CDH23: variants seen among roughly 807,000 people sequenced by gnomAD.
CDH23 encodes cadherin related 23.
A neutral mutation model predicts 317.1 loss-of-function variants in CDH23; 189 were observed. The observed-to-expected ratio is 0.60, with a 90% CI of 0.53 to 0.67. The LOEUF is 0.67. Ranked by LOEUF, CDH23 falls within the 30% of genes least tolerant of loss-of-function variation. The pLI is 0.00. For missense variants in CDH23, 4,401 were observed against 4,592.4 expected (o/e 0.96, Z 1.20); for synonymous variants, 1,839 against 1,876.8 (o/e 0.98, Z 0.52).
chr10:71,485,998 A>G (rs1004855784), intron 3 of CDH23, among the ~76,000 whole-genome samples: 5 of 69,660 alleles, frequency 7.2e-5, no homozygotes, highest in Non-Finnish European at 1.2e-4. Context: ...GCATCAATAT[A>G]TTTGGAGTAG....
intron 53 of CDH23, 58 bp downstream of exon 53, chr10:71,800,813 G>A: frequency 6.3e-7 from 1 of 1,592,682 alleles, no homozygotes; most frequent in South Asian, 1.1e-5. Context: ...GAGGCAACAA[G>A]CAAAGCCTCT....
intron 3 of CDH23, among the ~76,000 whole-genome samples, chr10:71,473,878 G>A (rs376143579): frequency 1.3e-5 from 2 of 152,168 alleles, no homozygotes; most frequent in Admixed American, 1.3e-4. Flanking sequence ...CCACTCCCAG[G>A]CCCCCTGGCT....
At chr10:71,746,795 G>A (rs1178502573) in intron 38 of CDH23, among the ~76,000 whole-genome samples, 8 of 152,170 alleles carry the variant, frequency 5.3e-5, no homozygotes, top group Non-Finnish European at 1.2e-4. Context: ...TCTCAGGCTG[G>A]TGAGGACCTG....
chr10:71,575,829 G>A (rs1858151714), intron 8 of CDH23, among the ~76,000 whole-genome samples: 1 of 152,252 alleles, frequency 6.6e-6, no homozygotes. Context: ...GCTCCCAGGA[G>A]CCCCCATTCC....
chr10:71,776,841 G>T (rs1468905864), intron 38 of CDH23, among the ~76,000 whole-genome samples: 1 of 152,248 alleles, frequency 6.6e-6, no homozygotes, highest in Non-Finnish European at 1.5e-5. Flanking sequence ...CCTCCCATTG[G>T]CCACACCCAG....
Position 71,646,015 on chromosome 10 carries a change from TG to T in CDH23, c.1290+41del, listed in dbSNP as rs775050967. ...CACTCACTGGCATTTTGGAGTGGGGTGGGGGGTGGATTTCAGGGGAGGCGAG... is the reference window on the plus strand; with the variant it reads ...CACTCACTGGCATTTTGGAGTGGGGTGGGGGTGGATTTCAGGGGAGGCGAG... On this transcript the variant is annotated intron_variant, in intron 13 of 69. Coordinates refer to ENST00000224721, the MANE Select transcript of CDH23 (RefSeq NM_022124.6). 8.8e-6 allele frequency: 14 copies of T among 1,595,876 alleles called. No homozygotes were observed. The African/African-American group carries it at 9.5e-5, about 11-fold the overall frequency.
chr10:71,416,545 C>G (rs1848540776), intron 1 of CDH23, among the ~76,000 whole-genome samples: 1 of 152,194 alleles, frequency 6.6e-6, no homozygotes, highest in Non-Finnish European at 1.5e-5. Context: ...CTTTATTCTT[C>G]ATTGTATTTT....
intron 45 of CDH23, among the ~76,000 whole-genome samples, chr10:71,789,534 C>T (rs888578796): frequency 6.6e-6 from 1 of 152,154 alleles, no homozygotes; most frequent in Non-Finnish European, 1.5e-5. Flanking sequence ...ACAGAATCTC[C>T]TCTGTGATGT....
At chr10:71,480,505 G>A (rs1004871699) in intron 3 of CDH23, among the ~76,000 whole-genome samples, 2 of 152,242 alleles carry the variant, frequency 1.3e-5, no homozygotes, top group African/African-American at 4.8e-5. Flanking sequence ...TGTTGGAGAG[G>A]CATTGAGGTG....
At chr10:71,743,904 A>G (rs1256031823) in intron 38 of CDH23, among the ~76,000 whole-genome samples, 1 of 152,224 alleles carries the variant, frequency 6.6e-6, no homozygotes, top group Non-Finnish European at 1.5e-5. Flanking sequence ...TCATGGTGGC[A>G]AGATAGCTAC....
rs750128139 is a variant in CDH23 at position 71,811,697 on chromosome 10, C to T, written c.9279-16C>T. 25 of 1,610,496 alleles carry T rather than the reference C, an allele frequency of 1.6e-5. No homozygotes were observed. The East Asian group carries it at 4.7e-4, about 30-fold the overall frequency. Reference sequence around the variant, plus strand: ...AGCTTGGCCCCCCTCACCAGCCCCTCTCTGCTTCTCTCCAGACACAAGAGG... The same window carrying T: ...AGCTTGGCCCCCCTCACCAGCCCCTTTCTGCTTCTCTCCAGACACAAGAGG... On this transcript the variant is annotated splice_polypyrimidine_tract_variant and intron_variant, in intron 64 of 69. Transcript: ENST00000224721.
chr10:71,439,937 C>T (rs1849797603), intron 2 of CDH23, 39 bp downstream of exon 2: 2 of 1,511,000 alleles, frequency 1.3e-6, no homozygotes, highest in South Asian at 2.4e-5. Context: ...CATGGGCAGC[C>T]TCTGCACGGG....
At chr10:71,679,925 G>A (rs2132675224) in intron 17 of CDH23, among the ~76,000 whole-genome samples, 1 of 152,282 alleles carries the variant, frequency 6.6e-6, no homozygotes, top group Admixed American at 6.5e-5. Flanking sequence ...TAGAGCCCTG[G>A]TAGGAAATAG....
Position 71,599,775 on chromosome 10 carries a change from G to A in CDH23, c.833-15729G>A, listed in dbSNP as rs1860097216. Among the ~76,000 whole-genome samples the A allele has an allele frequency of 3.3e-5, 5 of 152,292 alleles. No homozygotes were observed. The South Asian group carries it at 1.0e-3, about 32-fold the overall frequency. ...CTTCTGGTCCACCCATCTGGTGCCA[G>A]TTCTGCTTCTAACGTGCTGTGTGTT... On this transcript the variant is annotated intron_variant, in intron 9 of 69. Coordinates refer to ENST00000224721, the MANE Select transcript of CDH23 (RefSeq NM_022124.6).
chr10:71,561,166 C>T lies in CDH23; in HGVS notation c.430-5576C>T, dbSNP rs143978181. Among the ~76,000 whole-genome samples, 63 of 152,148 alleles carry T rather than the reference C, an allele frequency of 4.1e-4. 1 individual carries two copies. Among genetic ancestry groups the T allele is most frequent in the African/African-American group, 1.5e-3 (61 of 41,516 alleles). ...CCTGTTTCAGTTAGTTCCTTTCTCC[C>T]CAAGTTTCCTTTCCTCCCTTTTCTC... is the stretch of plus-strand genomic sequence containing the variant. On this transcript the variant is annotated intron_variant, in intron 6 of 69. Transcript: ENST00000224721.
At chr10:71,615,361 T>C (rs1159231827) in intron 9 of CDH23, 143 bp from the exon 10 acceptor site, 1 of 692,130 alleles carries the variant, frequency 1.4e-6, no homozygotes, top group Admixed American at 2.0e-5. Context: ...CTATTACTCT[T>C]GAACCAGCAT....
In CDH23 at chr10:71,806,191, G is replaced by T; in HGVS notation, c.8088G>T (p.Leu2696=). The T allele has an allele frequency of 6.4e-7, 1 of 1,570,348 alleles. No homozygotes were observed. The highest frequency in any genetic ancestry group is 2.4e-5 in the East Asian group (1 of 42,288). ...VYSLILVASD[L]GQPVPYETMQ... is the part of the protein sequence containing the mutation. ...AGCTCATCTTGGTGGCCAGCGACCT[G>T]GGCCAGCCAGTGCCATACGAGACTA... Residue 2696 remains leucine, a synonymous_variant, in exon 57 of 70, where the codon CTG becomes CTT. Coordinates refer to ENST00000224721, the MANE Select transcript of CDH23 (RefSeq NM_022124.6).
At chr10:71,475,580 C>T (rs1851749780) in intron 3 of CDH23, among the ~76,000 whole-genome samples, 1 of 152,230 alleles carries the variant, frequency 6.6e-6, no homozygotes, top group Non-Finnish European at 1.5e-5. Context: ...GCCCGGTTCC[C>T]AAGGTCTGTC....
chr10:71,762,992 C>T (rs1012594453), intron 38 of CDH23, among the ~76,000 whole-genome samples: 7 of 152,114 alleles, frequency 4.6e-5, no homozygotes, highest in Non-Finnish European at 8.8e-5. Flanking sequence ...ATAGAGGCCG[C>T]GTTTCTATCT....
Sources: gnomAD v4.1 joint callset for allele counts (sites outside exome capture counted in the v4.1 genomes callset) on GRCh38, gnomAD v4.1.1 for gene constraint, MANE v1.5 for transcripts, NCBI Gene and HGNC (gene_info 2026-07-23, HGNC 2026-07-21) for gene names.